Variants in UGT2B17 observed in about 807,000 individuals in gnomAD.
The protein encoded by UGT2B17 is UDP-glucuronosyltransferase 2B17.
In UGT2B17, 21 loss-of-function variants were observed where a neutral mutation model predicts 48.2. The ratio of observed to expected loss-of-function variants is 0.44; its 90% CI spans 0.31 to 0.63. The LOEUF is 0.63. Ranked by LOEUF, UGT2B17 falls within the 20% of genes least tolerant of loss-of-function variation. The pLI is 0.08. For synonymous variants in UGT2B17, 146 were observed against 238.4 expected (o/e 0.61, Z 3.57); for missense variants, 402 against 696.1 (o/e 0.58, Z 4.75).
In UGT2B17 at chr4:68,538,986, G is replaced by T. The variant is rs144688177; in HGVS notation, c.1314-1082C>A. 2.6e-3 allele frequency among the ~76,000 whole-genome samples: 326 copies of T among 125,688 alleles called. 81 individuals carry two copies. Among genetic ancestry groups the T allele is most frequent in the Non-Finnish European group, 4.6e-3 (274 of 59,512 alleles). The allele number at this position is 125,688 out of a possible 152,430, so 82.5% of individuals were successfully genotyped here. A position where few individuals can be genotyped will look rare whatever the true frequency, so the allele number is the denominator to read the frequency against. ...CCTTAAATGATACCTCTTAGAGAGTGTTTTCCTGGCCACACTATAGGCACC... is the reference window on the plus strand; with the variant it reads ...CCTTAAATGATACCTCTTAGAGAGTTTTTTCCTGGCCACACTATAGGCACC... On this transcript the variant is annotated intron_variant, in intron 6 of 6. Transcript: ENST00000317746.
At chr4:68,543,225 T>A (rs1730716922) in intron 6 of UGT2B17, among the ~76,000 whole-genome samples, 1 of 125,104 alleles carries the variant, frequency 8.0e-6, no homozygotes, top group South Asian at 3.8e-4. Flanking sequence ...AGCCGGGTAC[T>A]CCTCTGAGAA....
chr4:68,551,944 A>C, intron 4 of UGT2B17, 33 bp from the exon 5 acceptor site: 1 of 1,202,596 alleles, frequency 8.3e-7, no homozygotes, highest in South Asian at 2.1e-5. Flanking sequence ...TTGTTCAATG[A>C]ATAGAACTCT....
At chr4:68,572,958 C>T (rs1163147271) in intron 1 of UGT2B17, among the ~76,000 whole-genome samples, 3 of 126,726 alleles carry the variant, frequency 2.4e-5, no homozygotes, top group Non-Finnish European at 5.0e-5. Flanking sequence ...ACTGGGCTCT[C>T]TGATAATAGG....
intron 1 of UGT2B17, among the ~76,000 whole-genome samples, chr4:68,574,274 A>C (rs1299899671): frequency 7.9e-6 from 1 of 126,710 alleles, no homozygotes; most frequent in African/African-American, 2.7e-5. Flanking sequence ...TTTATATTTA[A>C]TGTTTCTTGT....
In UGT2B17 at chr4:68,546,714, C is replaced by A. The variant is rs182658944; in HGVS notation, c.1313+3963G>T. Among the ~76,000 whole-genome samples, 119 of 125,904 alleles carry A rather than the reference C, an allele frequency of 9.5e-4. 30 individuals carry two copies. Among genetic ancestry groups the A allele is most frequent in the Non-Finnish European group, 1.4e-3 (83 of 59,524 alleles). 82.6% of individuals were successfully genotyped at this position (125,904 alleles called of 152,430 possible). A position where few individuals can be genotyped will look rare whatever the true frequency, so the allele number is the denominator to read the frequency against. ...CCCCAAATCTCCTTAAGCTGATAAG[C>A]AACTTCAGCAAAGTCTCAGGATAAA... On this transcript the variant is annotated intron_variant, in intron 6 of 6. Transcript: ENST00000317746.
At chr4:68,572,699 G>C (rs1560583470) in intron 1 of UGT2B17, among the ~76,000 whole-genome samples, 1 of 126,756 alleles carries the variant, frequency 7.9e-6, no homozygotes, top group Non-Finnish European at 1.7e-5. Flanking sequence ...TCAGTGACTT[G>C]ATGTATATAC....
rs1325985655 is a variant in UGT2B17, at chr4:68,540,287, G to T, written c.1314-2383C>A. On this transcript the variant is annotated intron_variant, in intron 6 of 6. Coordinates refer to ENST00000317746, the MANE Select transcript of UGT2B17 (RefSeq NM_001077.4). ...CAAAGATCATTATTTTGTCTACTTT[G>T]GTCTGTTTAAATTTAATGCGAGTAC... 1.6e-5 allele frequency among the ~76,000 whole-genome samples: 2 copies of T among 126,178 alleles called. 1 individual carries two copies. Among genetic ancestry groups the T allele is most frequent in the Non-Finnish European group, 3.4e-5 (2 of 59,450 alleles). 82.8% of individuals were successfully genotyped at this position (126,178 alleles called of 152,430 possible).
chr4:68,557,312 C>A (rs1731020561), intron 4 of UGT2B17, among the ~76,000 whole-genome samples: 1 of 124,010 alleles, frequency 8.1e-6, no homozygotes, highest in Non-Finnish European at 1.7e-5. Flanking sequence ...TTATACTCAG[C>A]CATGAAATTC....
chr4:68,541,839 G>T lies in UGT2B17; in HGVS notation c.1314-3935C>A, dbSNP rs1730663814. Among the ~76,000 whole-genome samples, 2 of 126,294 alleles carry T rather than the reference G, an allele frequency of 1.6e-5. 1 individual carries two copies. The highest frequency in any genetic ancestry group is 1.5e-3 in the East Asian group (2 of 1,326). 82.9% of individuals were successfully genotyped at this position (126,294 alleles called of 152,430 possible). On this transcript the variant is annotated intron_variant, in intron 6 of 6. Coordinates refer to ENST00000317746, the MANE Select transcript of UGT2B17 (RefSeq NM_001077.4). Reference sequence around the variant, plus strand: ...TTTTTGTATAAGGTGTAAGGCAGGGGTATAGTTTCTGTTTTTTGCATATGG... The same window carrying T: ...TTTTTGTATAAGGTGTAAGGCAGGGTTATAGTTTCTGTTTTTTGCATATGG...
rs1300713367 is a variant in UGT2B17 at position 68,550,142 on chromosome 4, C to A, written c.1313+535G>T. Among the ~76,000 whole-genome samples, 4 of 124,862 alleles carry A rather than the reference C, an allele frequency of 3.2e-5. 2 individuals carry two copies. Among genetic ancestry groups the A allele is most frequent in the Non-Finnish European group, 6.8e-5 (4 of 59,184 alleles). The allele number at this position is 124,862 out of a possible 152,430, so 81.9% of individuals were successfully genotyped here. On this transcript the variant is annotated intron_variant, in intron 6 of 6. Coordinates refer to ENST00000317746, the MANE Select transcript of UGT2B17 (RefSeq NM_001077.4). Reference sequence around the variant, plus strand: ...GAGGTGTATTGGGAGTGACTTCATGCATTTTGAGTTTAATTTGAGCTCACA... The same window carrying A: ...GAGGTGTATTGGGAGTGACTTCATGAATTTTGAGTTTAATTTGAGCTCACA...
In UGT2B17 at chr4:68,564,797, T is replaced by C. The variant is rs559131170; in HGVS notation, c.873+775A>G. Among the ~76,000 whole-genome samples, 5 of 125,980 alleles carry C rather than the reference T, an allele frequency of 4.0e-5. 1 individual carries two copies. The highest frequency in any genetic ancestry group is 1.4e-4 in the African/African-American group (5 of 36,828). The allele number at this position is 125,980 out of a possible 152,430, so 82.6% of individuals were successfully genotyped here. ...CTCACTGCAGCCTCTGCCCCCAGAC[T>C]CAAGCAAGCCTCCTGCCTCAGCCTC... is the stretch of plus-strand genomic sequence containing the variant. On this transcript the variant is annotated intron_variant, in intron 3 of 6. Transcript: ENST00000317746.
chr4:68,541,064 T>G (rs1241231797), intron 6 of UGT2B17, among the ~76,000 whole-genome samples: 1 of 126,210 alleles, frequency 7.9e-6, no homozygotes, highest in Non-Finnish European at 1.7e-5. Flanking sequence ...GTATTTGTGT[T>G]GGTTCCATAT....
At position 68,551,317 on chromosome 4, in the gene UGT2B17, A is replaced by T. The variant is rs1414909744; in HGVS notation, c.1094-421T>A. ...TAGTTAAAATATTTAAAATACTTAA[A>T]TTTTTTTTTAAAGGCAGCAAGGAGT... is the stretch of plus-strand genomic sequence containing the variant. On this transcript the variant is annotated intron_variant, in intron 5 of 6. Transcript: ENST00000317746. Among the ~76,000 whole-genome samples the T allele has an allele frequency of 4.8e-5, 6 of 124,442 alleles. 1 individual carries two copies. The highest frequency in any genetic ancestry group is 6.8e-5 in the Non-Finnish European group (4 of 58,834). The allele number at this position is 124,442 out of a possible 152,430, so 81.6% of individuals were successfully genotyped here.
chr4:68,571,764 G>A (rs1266459119), intron 1 of UGT2B17, among the ~76,000 whole-genome samples: 1 of 125,674 alleles, frequency 8.0e-6, no homozygotes, highest in African/African-American at 2.7e-5. Flanking sequence ...GTGACTTGTA[G>A]AGACTGGGCT....
chr4:68,551,259 C>T lies in UGT2B17; in HGVS notation c.1094-363G>A, dbSNP rs1730909546. On this transcript the variant is annotated intron_variant, in intron 5 of 6. Coordinates refer to ENST00000317746, the MANE Select transcript of UGT2B17 (RefSeq NM_001077.4). ...AGTCTCTTAAGTAGTATAAATTATG[C>T]AGTCACATTTATATATTTAAAAAAT... 1.6e-5 allele frequency among the ~76,000 whole-genome samples: 2 copies of T among 125,244 alleles called. 1 individual carries two copies. The allele number at this position is 125,244 out of a possible 152,430, so 82.2% of individuals were successfully genotyped here. A position where few individuals can be genotyped will look rare whatever the true frequency, so the allele number is the denominator to read the frequency against.
Position 68,556,874 on chromosome 4 carries a change from C to G in UGT2B17, c.1005+3663G>C, listed in dbSNP as rs1400047428. Among the ~76,000 whole-genome samples, 2 of 124,708 alleles carry G rather than the reference C, an allele frequency of 1.6e-5. 1 individual carries two copies. The highest frequency in any genetic ancestry group is 3.4e-5 in the Non-Finnish European group (2 of 58,778). 81.8% of individuals were successfully genotyped at this position (124,708 alleles called of 152,430 possible). A position where few individuals can be genotyped will look rare whatever the true frequency, so the allele number is the denominator to read the frequency against. ...TAGTCAAATGAATGCTTTATTTTAC[C>G]TGTGATATCAAGCTTTTTAATCCTT... On this transcript the variant is annotated intron_variant, in intron 4 of 6. Transcript: ENST00000317746.
chr4:68,541,905 C>A (rs1730665923), intron 6 of UGT2B17, among the ~76,000 whole-genome samples: 1 of 126,414 alleles, frequency 7.9e-6, no homozygotes, highest in Non-Finnish European at 1.7e-5. Flanking sequence ...ATAGGGAATC[C>A]TTTCCCATTG....
In UGT2B17 at chr4:68,551,592, T is replaced by C. The variant is rs1425767040; in HGVS notation, c.1093+232A>G. Among the ~76,000 whole-genome samples, 2 of 126,054 alleles carry C rather than the reference T, an allele frequency of 1.6e-5. 1 individual carries two copies. The highest frequency in any genetic ancestry group is 3.4e-5 in the Non-Finnish European group (2 of 59,432). The allele number at this position is 126,054 out of a possible 152,430, so 82.7% of individuals were successfully genotyped here. A position where few individuals can be genotyped will look rare whatever the true frequency, so the allele number is the denominator to read the frequency against. On this transcript the variant is annotated intron_variant, in intron 5 of 6. Coordinates refer to ENST00000317746, the MANE Select transcript of UGT2B17 (RefSeq NM_001077.4). ...CCTGTGAGAGGTAATTACACCTGAATAAAGAGATTTTTATTCTGACCATAA... is the reference window on the plus strand; with the variant it reads ...CCTGTGAGAGGTAATTACACCTGAACAAAGAGATTTTTATTCTGACCATAA...
At chr4:68,570,917 T>C (rs137951550) in intron 1 of UGT2B17, among the ~76,000 whole-genome samples, 1,517 of 126,372 alleles carry the variant, frequency 0.012, 308 homozygotes, top group African/African-American at 0.039. Flanking sequence ...TGCCTGATTA[T>C]CTATGTGTAG....
Sources: allele counts gnomAD v4.1 joint callset (sites outside exome capture counted in the v4.1 genomes callset), GRCh38; gene constraint gnomAD v4.1.1; transcripts MANE v1.5; gene names NCBI Gene and HGNC (gene_info 2026-07-23, HGNC 2026-07-21).